PCDH15: variants seen among roughly 807,000 people sequenced by gnomAD.
The protein encoded by PCDH15 is protocadherin-15.
A neutral mutation model predicts 178.5 loss-of-function variants in PCDH15; 129 were observed. The ratio of observed to expected loss-of-function variants is 0.72; its 90% confidence interval spans 0.63 to 0.84. The LOEUF (loss-of-function observed/expected upper bound fraction) is 0.84, where lower values mean the gene tolerates loss of function less well. Among genes scored for constraint, PCDH15 ranks in the 40% least tolerant of loss-of-function variants. The pLI is 0.00. For missense variants in PCDH15, 2,230 were observed against 2,099.9 expected (o/e 1.06, Z -1.21); for synonymous variants, 800 against 732.0 (o/e 1.09, Z -1.50).
At chr10:55,379,771 G>A (rs973327686) in intron 2 of PCDH15, among the ~76,000 whole-genome samples, 1 of 151,946 alleles carries the variant, frequency 6.6e-6, no homozygotes, top group African/African-American at 2.4e-5. Flanking sequence ...AGTATAAAGG[G>A]CAACAAAGTG....
chr10:54,224,512 C>T (rs906758969), intron 9 of PCDH15, among the ~76,000 whole-genome samples: 1 of 152,054 alleles, frequency 6.6e-6, no homozygotes, highest in Non-Finnish European at 1.5e-5. Context: ...ATCTCTGAAG[C>T]TCTGGGTTTT....
At chr10:53,812,182 G>A (rs1479404670) in intron 35 of PCDH15, among the ~76,000 whole-genome samples, 1 of 152,014 alleles carries the variant, frequency 6.6e-6, no homozygotes, top group Non-Finnish European at 1.5e-5. Context: ...ACATACTGCT[G>A]ATTCTAAATT....
At position 53,940,987 on chromosome 10, in the gene PCDH15, G is replaced by A; in HGVS notation, c.3123-12C>T. Reference sequence around the variant, plus strand: ...TTACTGGAGGAGGTCTGCAGGTTTAGAGAAGATGATGTATTTATTTTTAAA... The same window carrying A: ...TTACTGGAGGAGGTCTGCAGGTTTAAAGAAGATGATGTATTTATTTTTAAA... On this transcript the variant is annotated splice_polypyrimidine_tract_variant and intron_variant, in intron 23 of 37. Transcript: ENST00000644397. The A allele has an allele frequency of 1.3e-6, 2 of 1,524,118 alleles. No homozygotes were observed. Among genetic ancestry groups the A allele is most frequent in the Non-Finnish European group, 1.8e-6 (2 of 1,098,522 alleles). 94.4% of individuals were successfully genotyped at this position (1,524,118 alleles called of 1,614,324 possible). A position where few individuals can be genotyped will look rare whatever the true frequency, so the allele number is the denominator to read the frequency against.
intron 21 of PCDH15, among the ~76,000 whole-genome samples, chr10:53,985,556 G>C (rs1406018129): frequency 2.6e-5 from 4 of 152,064 alleles, no homozygotes; most frequent in African/African-American, 7.2e-5. Context: ...ACAAGCTGTA[G>C]CATTTAGCCA....
intron 2 of PCDH15, among the ~76,000 whole-genome samples, chr10:54,934,392 AT>A (rs929580261): frequency 3.9e-5 from 6 of 152,110 alleles, no homozygotes; most frequent in South Asian, 2.1e-4. Context: ...AATACTAAAA[AT>A]TTTTTTTATT....
chr10:54,466,153 G>A (rs75320632), intron 3 of PCDH15, among the ~76,000 whole-genome samples: 2,005 of 152,038 alleles, frequency 0.013, 32 homozygotes, highest in African/African-American at 0.046. Flanking sequence ...CAGTTCTACA[G>A]ATTGTTTCTT....
chr10:53,955,549 A>T (rs1460028749), intron 23 of PCDH15, among the ~76,000 whole-genome samples: 2 of 152,206 alleles, frequency 1.3e-5, no homozygotes, highest in Non-Finnish European at 2.9e-5. Flanking sequence ...TTCAAACACA[A>T]GTATTGGAAC....
chr10:54,062,155 A>C (rs2094029458), intron 18 of PCDH15, among the ~76,000 whole-genome samples: 1 of 142,234 alleles, frequency 7.0e-6, no homozygotes, highest in Non-Finnish European at 1.5e-5. Context: ...CCTGGGCGGC[A>C]GAGGTTGCAG....
At chr10:55,426,253 T>A (rs1425434917) in intron 2 of PCDH15, among the ~76,000 whole-genome samples, 7 of 152,118 alleles carry the variant, frequency 4.6e-5, no homozygotes, top group Non-Finnish European at 1.0e-4. Flanking sequence ...TAGTGCCGGG[T>A]TTACTCAGCC....
intron 3 of PCDH15, among the ~76,000 whole-genome samples, chr10:54,433,355 T>C (rs774528712): frequency 6.8e-6 from 1 of 146,038 alleles, no homozygotes; most frequent in African/African-American, 2.8e-5. Flanking sequence ...AATGTGGTTC[T>C]TATATACAAT....
chr10:54,169,771 G>A lies in PCDH15; in HGVS notation c.1590+13673C>T, dbSNP rs527496457. On this transcript the variant is annotated intron_variant, in intron 13 of 37. Transcript: ENST00000644397. ...CCCATCCCGCAGCACGCTTTAAAAA[G>A]ATTAAAGCCTGTTATCACTTGCCTG... 2.6e-5 allele frequency among the ~76,000 whole-genome samples: 4 copies of A among 152,050 alleles called. No individual in the cohort carries two copies. In the East Asian group the frequency reaches 7.8e-4, roughly 30 times the overall value.
At chr10:55,347,738 C>A (rs1844800795) in intron 2 of PCDH15, among the ~76,000 whole-genome samples, 1 of 152,114 alleles carries the variant, frequency 6.6e-6, no homozygotes, top group South Asian at 2.1e-4. Context: ...GGGTCAAAGT[C>A]TTTGTTTTAT....
chr10:54,149,442 C>G lies in PCDH15; in HGVS notation c.1784+3658G>C, dbSNP rs146722818. Among the ~76,000 whole-genome samples, 524 of 152,102 alleles carry G rather than the reference C, an allele frequency of 3.4e-3. 3 individuals are homozygous for G. Among genetic ancestry groups the G allele is most frequent in the Middle Eastern group, 0.02 (6 of 294 alleles). On this transcript the variant is annotated intron_variant, in intron 14 of 37. Coordinates refer to ENST00000644397, the MANE Select transcript of PCDH15 (RefSeq NM_001384140.1). ...TTGAGAAATCTGAGAAAAGATCCAT[C>G]CAGGCTGAGAGAAGATGAAAATCAA...
chr10:54,354,344 A>G (rs527485656), intron 5 of PCDH15, among the ~76,000 whole-genome samples: 1 of 152,344 alleles, frequency 6.6e-6, no homozygotes, highest in African/African-American at 2.4e-5. Context: ...ACAGCTAAAA[A>G]ATTGATTCCC....
At chr10:55,596,669 T>C (rs960500371) in intron 2 of PCDH15, among the ~76,000 whole-genome samples, 9 of 152,176 alleles carry the variant, frequency 5.9e-5, no homozygotes, top group African/African-American at 2.2e-4. Context: ...ATTTAATGTA[T>C]TTTAATGTAC....
chr10:54,331,529 T>C (rs188560303), intron 6 of PCDH15, among the ~76,000 whole-genome samples: 2 of 152,122 alleles, frequency 1.3e-5, no homozygotes, highest in East Asian at 3.9e-4. Context: ...CTTATACCTA[T>C]GAGTGGGGCT....
chr10:54,062,246 A>AAAAAAAAT (rs2094038412), intron 18 of PCDH15, among the ~76,000 whole-genome samples: 1 of 135,054 alleles, frequency 7.4e-6, no homozygotes, highest in Non-Finnish European at 1.5e-5. Context: ...AAAAAAAAAA[A>AAAAAAAAT]AAAAAACAAA....
chr10:53,819,534 C>T (rs10763009), intron 33 of PCDH15, among the ~76,000 whole-genome samples: 48,604 of 151,730 alleles, frequency 0.32, 8,593 homozygotes, highest in African/African-American at 0.48. Flanking sequence ...TTATGCAATT[C>T]ATAATCAATT....
chr10:55,170,619 T>C (rs1236905573), intron 1 of PCDH15, among the ~76,000 whole-genome samples: 1 of 152,146 alleles, frequency 6.6e-6, no homozygotes, highest in Non-Finnish European at 1.5e-5. Context: ...TGCAGTGGCT[T>C]ACACCTGTAA....
Sources: allele counts gnomAD v4.1 joint callset (sites outside exome capture counted in the v4.1 genomes callset), GRCh38; gene constraint gnomAD v4.1.1; transcripts MANE v1.5; gene names NCBI Gene and HGNC (gene_info 2026-07-23, HGNC 2026-07-21).